Variants in SORCS1 observed in about 807,000 individuals in gnomAD.
The protein encoded by SORCS1 is sortilin related VPS10 domain containing receptor 1, also known as VPS10 domain-containing receptor SorCS1.
In SORCS1, 60 loss-of-function variants were observed where a neutral mutation model predicts 146.1. The ratio of observed to expected loss-of-function variants is 0.41; its 90% CI spans 0.33 to 0.51. The LOEUF (loss-of-function observed/expected upper bound fraction) is 0.51. Ranked by LOEUF, SORCS1 falls within the 20% of genes least tolerant of loss-of-function variation. SORCS1 has a pLI of 0.21. For missense variants in SORCS1, 1,352 were observed against 1,487.6 expected, an observed-to-expected ratio of 0.91 and a Z score of 1.50; for synonymous variants, 637 against 584.0, an observed-to-expected ratio of 1.09 and a Z score of -1.31.
intron 3 of SORCS1, among the ~76,000 whole-genome samples, chr10:106,792,934 C>A (rs553571936): frequency 6.6e-6 from 1 of 152,222 alleles, no homozygotes; most frequent in Non-Finnish European, 1.5e-5. Flanking sequence ...AGGAAAATTT[C>A]ATTCTTTGTG....
chr10:107,090,579 A>G (rs1434612462), intron 1 of SORCS1, among the ~76,000 whole-genome samples: 1 of 152,206 alleles, frequency 6.6e-6, no homozygotes, highest in African/African-American at 2.4e-5. Flanking sequence ...GAAGGTAATT[A>G]CTATGTAAAA....
At chr10:107,160,401 C>T (rs1399443609) in intron 1 of SORCS1, among the ~76,000 whole-genome samples, 1 of 152,094 alleles carries the variant, frequency 6.6e-6, no homozygotes, top group Non-Finnish European at 1.5e-5. Flanking sequence ...AATAATAACA[C>T]CTACACATGA....
intron 9 of SORCS1, among the ~76,000 whole-genome samples, chr10:106,692,711 T>A (rs1408286069): frequency 6.6e-6 from 1 of 152,114 alleles, no homozygotes. Context: ...ACATCCCTAA[T>A]CCAGAAATCC....
chr10:107,040,214 T>C (rs1959093002), intron 1 of SORCS1, among the ~76,000 whole-genome samples: 1 of 152,192 alleles, frequency 6.6e-6, no homozygotes. Flanking sequence ...TACTCTATGA[T>C]ATGTGTGTTG....
chr10:107,065,415 T>TTTCTTTC (rs1554937382), intron 1 of SORCS1, among the ~76,000 whole-genome samples: 1 of 120,396 alleles, frequency 8.3e-6, no homozygotes, highest in African/African-American at 4.5e-5. Context: ...TCTCTCTTTC[T>TTTCTTTC]TTTCTTTCTT....
chr10:106,707,809 C>G (rs1344711796), intron 7 of SORCS1, among the ~76,000 whole-genome samples: 1 of 152,164 alleles, frequency 6.6e-6, no homozygotes, highest in Non-Finnish European at 1.5e-5. Flanking sequence ...CCACGTCTCT[C>G]TCTCTCTCTC....
At chr10:107,079,487 AG>A (rs1221150716) in intron 1 of SORCS1, among the ~76,000 whole-genome samples, 1 of 152,208 alleles carries the variant, frequency 6.6e-6, no homozygotes, top group African/African-American at 2.4e-5. Flanking sequence ...TGAAGAAGAC[AG>A]GAAAGAAGTG....
At chr10:106,860,479 C>T (rs1418973382) in intron 2 of SORCS1, among the ~76,000 whole-genome samples, 1 of 152,176 alleles carries the variant, frequency 6.6e-6, no homozygotes, top group Non-Finnish European at 1.5e-5. Flanking sequence ...GGGCTAAGCA[C>T]TTCATAAGGA....
At chr10:106,963,995 A>C (rs1955381371) in intron 1 of SORCS1, among the ~76,000 whole-genome samples, 1 of 152,200 alleles carries the variant, frequency 6.6e-6, no homozygotes, top group Admixed American at 6.5e-5. Flanking sequence ...TAATCAAGAG[A>C]TATTTCTTAG....
chr10:107,150,584 A>C (rs1457520533), intron 1 of SORCS1, among the ~76,000 whole-genome samples: 1 of 152,186 alleles, frequency 6.6e-6, no homozygotes, highest in African/African-American at 2.4e-5. Flanking sequence ...CCTTGATTTG[A>C]TTATAAGTTC....
At chr10:106,939,710 T>A (rs1953933293) in intron 2 of SORCS1, among the ~76,000 whole-genome samples, 2 of 152,168 alleles carry the variant, frequency 1.3e-5, no homozygotes, top group Non-Finnish European at 2.9e-5. Flanking sequence ...CAGCACACCA[T>A]TTCCCTTTGG....
chr10:106,875,434 G>A (rs969596863), intron 2 of SORCS1, among the ~76,000 whole-genome samples: 1 of 152,074 alleles, frequency 6.6e-6, no homozygotes, highest in African/African-American at 2.4e-5. Flanking sequence ...ACATGTTCAG[G>A]TATCTTGTTC....
chr10:106,625,532 C>G (rs1357960951), intron 19 of SORCS1, among the ~76,000 whole-genome samples: 2 of 152,114 alleles, frequency 1.3e-5, no homozygotes, highest in African/African-American at 4.8e-5. Context: ...ACATTTTTAT[C>G]ATTTAATTTG....
At position 106,959,925 on chromosome 10, in the gene SORCS1, TGTAGA is replaced by T. The variant is rs148993380; in HGVS notation, c.559-3350_559-3346del. ...CATGTATAGAAAAACTGAGTTCAAG[TGTAGA>T]GTATTCAAGTTCAATCAAAAAGCAA... On this transcript the variant is annotated intron_variant, in intron 1 of 25. Coordinates refer to ENST00000263054, the MANE Select transcript of SORCS1 (RefSeq NM_052918.5). Among the ~76,000 whole-genome samples the T allele has an allele frequency of 7.6e-3, 1,160 of 152,318 alleles. 11 individuals carry two copies. The highest frequency in any genetic ancestry group is 0.027 in the African/African-American group (1,112 of 41,578).
intron 3 of SORCS1, among the ~76,000 whole-genome samples, chr10:106,795,821 C>G (rs180857656): frequency 6.6e-6 from 1 of 152,082 alleles, no homozygotes; most frequent in Non-Finnish European, 1.5e-5. Context: ...GGCAGTGTGC[C>G]GTGGAATGAG....
In SORCS1 at chr10:106,577,482, T is replaced by C. The variant is rs755996376; in HGVS notation, c.3445A>G (p.Arg1149Gly). Residue 1149 changes from arginine to glycine, a missense_variant, in exon 26 of 26, where the codon AGA (arginine) becomes GGA (glycine). Around this residue, in one of 3 missense-constraint regions of SORCS1, gnomAD observed 214 missense variants for 204.8 expected, o/e 1.05. Coordinates refer to ENST00000263054, the MANE Select transcript of SORCS1 (RefSeq NM_052918.5). Reference sequence around the variant, plus strand: ...GGCGTTGAAGGCGGAGTGGCGTGTCTTGCTCTTTGCAATCGGAGAGATGAG... The same window carrying C: ...GGCGTTGAAGGCGGAGTGGCGTGTCCTGCTCTTTGCAATCGGAGAGATGAG... ...GDSSLRLQRARHATPPSTPKR... is the reference protein window; with the variant it reads ...GDSSLRLQRAGHATPPSTPKR... 6 of 1,614,028 alleles carry C rather than the reference T, an allele frequency of 3.7e-6. No homozygotes were observed. In the South Asian group the frequency reaches 6.6e-5, roughly 18 times the overall value.
chr10:106,768,370 C>T (rs911597703), intron 4 of SORCS1, among the ~76,000 whole-genome samples: 2 of 152,170 alleles, frequency 1.3e-5, no homozygotes, highest in Admixed American at 1.3e-4. Flanking sequence ...CTTGGGGAAA[C>T]ATGATGGCAT....
chr10:107,009,490 T>G lies in SORCS1; in HGVS notation c.559-52910A>C, dbSNP rs532692759. Among the ~76,000 whole-genome samples, 5 of 152,332 alleles carry G rather than the reference T, an allele frequency of 3.3e-5. No individual in the cohort carries two copies. In the South Asian group the frequency reaches 1.0e-3, roughly 32 times the overall value. ...AGAAGAGAAATCACTACTTTTCTGT[T>G]TCTCCTTAAAATAGAATATAGTTTT... On this transcript the variant is annotated intron_variant, in intron 1 of 25. Coordinates refer to ENST00000263054, the MANE Select transcript of SORCS1 (RefSeq NM_052918.5).
chr10:106,740,102 AC>A (rs975860279), intron 5 of SORCS1, among the ~76,000 whole-genome samples: 6 of 152,146 alleles, frequency 3.9e-5, no homozygotes, highest in African/African-American at 1.4e-4. Flanking sequence ...GAAATTAGGC[AC>A]CCCCAATACA....
Sources: gnomAD v4.1 joint callset for allele counts (sites outside exome capture counted in the v4.1 genomes callset) on GRCh38, gnomAD v4.1.1 for gene constraint, gnomAD v4.1.1 regional missense constraint, MANE v1.5 for transcripts, NCBI Gene and HGNC (gene_info 2026-07-23, HGNC 2026-07-21) for gene names.